Variants in STX5 observed in about 807,000 individuals in gnomAD.
The protein encoded by STX5 is syntaxin 5, also known as syntaxin-5.
A neutral mutation model predicts 42.9 loss-of-function variants in STX5; 15 were observed. That is an observed-to-expected ratio of 0.35 (90% CI 0.23 to 0.54). The LOEUF (loss-of-function observed/expected upper bound fraction) is 0.54. STX5 is among the 20% of genes least tolerant of loss of function. STX5 has a pLI of 0.91. For synonymous variants in STX5, 184 were observed against 173.2 expected (o/e 1.06, Z -0.49); for missense variants, 430 against 455.0 (o/e 0.95, Z 0.50).
At chr11:62,831,408 A>C in intron 1 of STX5, 146 bp from the exon 2 acceptor site, 1 of 694,736 alleles carries the variant, frequency 1.4e-6, no homozygotes. Flanking sequence ...GGGGCGGACC[A>C]GCAGCGGAAA....
chr11:62,830,345 T>TG, intron 2 of STX5: 1 of 315,982 alleles, frequency 3.2e-6, no homozygotes, highest in Non-Finnish European at 6.4e-6. Flanking sequence ...CCAGGTGTGG[T>TG]GTCCAGACCA....
At position 62,824,405 on chromosome 11, in the gene STX5, G is replaced by A. The variant is rs1042637619; in HGVS notation, c.786+54C>T. On this transcript the variant is annotated intron_variant, in intron 9 of 10. Transcript: ENST00000294179. ...TGGCACACTCCAAACACTCTCTCGG[G>A]AACCACAGAGGATAATGGAGAAGCT... 2.5e-6 allele frequency: 4 copies of A among 1,613,140 alleles called. No homozygotes were observed. In the Admixed American group the frequency reaches 5.0e-5, roughly 20 times the overall value.
chr11:62,809,739 T>G (rs575780410), intron 10 of STX5, among the ~76,000 whole-genome samples: 1 of 146,580 alleles, frequency 6.8e-6, no homozygotes, highest in African/African-American at 2.5e-5. Flanking sequence ...TGCCTTATTA[T>G]TAGCATGCTG....
At chr11:62,823,271 C>T (rs2084759896) in intron 10 of STX5, among the ~76,000 whole-genome samples, 1 of 151,790 alleles carries the variant, frequency 6.6e-6, no homozygotes, top group Admixed American at 6.6e-5. Context: ...ACCTCCCATG[C>T]TTAAGTCATC....
intron 10 of STX5, 200 bp downstream of exon 10, chr11:62,823,966 C>T (rs566939112): frequency 3.9e-5 from 28 of 727,228 alleles, no homozygotes; most frequent in South Asian, 3.6e-4. Context: ...CTGTATCTCC[C>T]GCACCTGGAA....
intron 10 of STX5, among the ~76,000 whole-genome samples, chr11:62,821,182 C>T (rs1307415936): frequency 1.3e-5 from 2 of 151,678 alleles, no homozygotes; most frequent in South Asian, 4.2e-4. Flanking sequence ...GTGGTGGGCA[C>T]CTATAATCCC....
intron 10 of STX5, among the ~76,000 whole-genome samples, chr11:62,809,121 TA>T: frequency 1.3e-5 from 2 of 151,558 alleles, no homozygotes; most frequent in Non-Finnish European, 2.9e-5. Flanking sequence ...ACACTGTCTC[TA>T]CTAAAAATAC....
At chr11:62,815,395 TA>T (rs766863473) in intron 10 of STX5, among the ~76,000 whole-genome samples, 5 of 152,148 alleles carry the variant, frequency 3.3e-5, no homozygotes, top group Non-Finnish European at 7.3e-5. Context: ...TACATAATAT[TA>T]GGAAATCATT....
At chr11:62,814,274 T>C (rs1338627724) in intron 10 of STX5, among the ~76,000 whole-genome samples, 1 of 152,160 alleles carries the variant, frequency 6.6e-6, no homozygotes, top group Admixed American at 6.5e-5. Flanking sequence ...CAAGTGATTT[T>C]AGTGCCTCAG....
chr11:62,807,374 C>G lies in STX5; in HGVS notation c.*95G>C. On this transcript the variant is annotated 3_prime_UTR_variant, in exon 11 of 11. Coordinates refer to ENST00000294179, the MANE Select transcript of STX5 (RefSeq NM_003164.5). ...AGTTCCAGGGAAACAGGGCCTTTCTCCCAAGTACCCTGCACAGGCTCAGTG... is the reference window on the plus strand; with the variant it reads ...AGTTCCAGGGAAACAGGGCCTTTCTGCCAAGTACCCTGCACAGGCTCAGTG... 6.6e-7 allele frequency: 1 copy of G among 1,507,958 alleles called. No homozygotes were observed. Among genetic ancestry groups the G allele is most frequent in the East Asian group, 2.4e-5 (1 of 41,730 alleles). The allele number at this position is 1,507,958 out of a possible 1,614,324, so 93.4% of individuals were successfully genotyped here. A position where few individuals can be genotyped will look rare whatever the true frequency, so the allele number is the denominator to read the frequency against.
At chr11:62,808,435 A>G (rs944176472) in intron 10 of STX5, among the ~76,000 whole-genome samples, 7 of 116,438 alleles carry the variant, frequency 6.0e-5, no homozygotes, top group African/African-American at 2.0e-4. Context: ...CTCAGGGGGA[A>G]AAAAAAAAAA....
intron 10 of STX5, among the ~76,000 whole-genome samples, chr11:62,812,362 C>T (rs561712848): frequency 1.3e-5 from 2 of 152,244 alleles, no homozygotes. Context: ...CAGGCATGAG[C>T]CACTGCGCCT....
intron 10 of STX5, among the ~76,000 whole-genome samples, chr11:62,817,826 A>G (rs1255866693): frequency 6.6e-6 from 1 of 152,224 alleles, no homozygotes; most frequent in Non-Finnish European, 1.5e-5. Context: ...GAAAATATAC[A>G]TAAAATAAAT....
chr11:62,820,376 A>T (rs1366018001), intron 10 of STX5, among the ~76,000 whole-genome samples: 1 of 151,764 alleles, frequency 6.6e-6, no homozygotes, highest in Non-Finnish European at 1.5e-5. Flanking sequence ...TCAAAAAAAA[A>T]AAAAGGGCGG....
chr11:62,827,335 A>T lies in STX5; in HGVS notation c.352+8T>A. The T allele has an allele frequency of 6.2e-7, 1 of 1,614,210 alleles. No individual in the cohort carries two copies. The highest frequency in any genetic ancestry group is 8.5e-7 in the Non-Finnish European group (1 of 1,180,032). ...GCCCCACTTCTGAAAGACCCCAAGA[A>T]CACTCACAGATTGTCAGCTTCTCCA... is the stretch of plus-strand genomic sequence containing the variant. On this transcript the variant is annotated splice_region_variant and intron_variant, in intron 4 of 10. Coordinates refer to ENST00000294179, the MANE Select transcript of STX5 (RefSeq NM_003164.5).
intron 10 of STX5, among the ~76,000 whole-genome samples, chr11:62,813,969 T>C (rs2084645327): frequency 6.6e-6 from 1 of 152,200 alleles, no homozygotes; most frequent in Admixed American, 6.6e-5. Context: ...TTTTTAAATT[T>C]ATCCGTTGCA....
intron 1 of STX5, among the ~76,000 whole-genome samples, chr11:62,831,636 G>C (rs1404355287): frequency 6.6e-6 from 1 of 152,200 alleles, no homozygotes; most frequent in Non-Finnish European, 1.5e-5. Flanking sequence ...GGGAGGGCCA[G>C]TGACGGACCT....
intron 10 of STX5, among the ~76,000 whole-genome samples, chr11:62,821,949 C>T (rs956854495): frequency 6.6e-6 from 1 of 152,096 alleles, no homozygotes; most frequent in Non-Finnish European, 1.5e-5. Context: ...TCACTTGGAC[C>T]TAGGAGGCAG....
At position 62,827,012 on chromosome 11, in the gene STX5, T is replaced by C. The variant is rs998573640; in HGVS notation, c.423+143A>G. 1.9e-5 allele frequency: 13 copies of C among 686,584 alleles called. No individual in the cohort carries two copies. In the Admixed American group the frequency reaches 3.5e-4, roughly 18 times the overall value. 42.5% of individuals were successfully genotyped at this position (686,584 alleles called of 1,614,324 possible). On this transcript the variant is annotated intron_variant, in intron 5 of 10. Transcript: ENST00000294179. Reference sequence around the variant, plus strand: ...GCTGCAGTGAGCTAGGTCACACCACTACACTCCAGACTGGTCAACACAGTG... The same window carrying C: ...GCTGCAGTGAGCTAGGTCACACCACCACACTCCAGACTGGTCAACACAGTG...
Sources: allele counts gnomAD v4.1 joint callset (sites outside exome capture counted in the v4.1 genomes callset), GRCh38; gene constraint gnomAD v4.1.1; transcripts MANE v1.5; gene names NCBI Gene and HGNC (gene_info 2026-07-23, HGNC 2026-07-21).